MAP2K3: variants seen among roughly 807,000 people sequenced by gnomAD.
MAP2K3 encodes the protein mitogen-activated protein kinase kinase 3.
In MAP2K3, 30 loss-of-function variants were observed where a neutral mutation model predicts 46.4. The observed-to-expected ratio is 0.65, with a 90% CI of 0.48 to 0.88. The LOEUF is 0.88. MAP2K3 is among the 40% of genes least tolerant of loss of function. MAP2K3 has a pLI of 0.00. For missense variants in MAP2K3, 380 were observed against 464.5 expected (o/e 0.82, Z 1.67); for synonymous variants, 189 against 176.3 (o/e 1.07, Z -0.57).
At chr17:21,301,267 TC>T (rs1976584879) in intron 5 of MAP2K3, among the ~76,000 whole-genome samples, 435 of 152,146 alleles carry the variant, frequency 2.9e-3, no homozygotes, top group African/African-American at 0.01. Context: ...CTCAGTTCTG[TC>T]TGTGTGACCA....
chr17:21,288,221 G>A (rs1173223816), intron 1 of MAP2K3: 1 of 636,460 alleles, frequency 1.6e-6, no homozygotes, highest in African/African-American at 1.9e-5. Context: ...GTGGCACCTA[G>A]CCCTGAGCTG....
chr17:21,313,381 C>A, intron 10 of MAP2K3, 111 bp from the exon 11 acceptor site: 1 of 800,668 alleles, frequency 1.2e-6, no homozygotes, highest in Non-Finnish European at 2.1e-6. Flanking sequence ...TCCCTGGGTG[C>A]ACGTGTCCCC....
intron 1 of MAP2K3, chr17:21,291,687 C>A: frequency 2.3e-6 from 1 of 425,988 alleles, no homozygotes; most frequent in Admixed American, 2.5e-5. Context: ...ACCGATCTGA[C>A]CCCTTTTGTG....
At position 21,304,433 on chromosome 17, in the gene MAP2K3, G is replaced by A. The variant is rs1460476039; in HGVS notation, c.576G>A (p.Lys192=). 3 of 1,614,318 alleles carry A rather than the reference G, an allele frequency of 1.9e-6. No homozygotes were observed. The highest frequency in any genetic ancestry group is 1.1e-5 in the South Asian group (1 of 91,092). ...CATGTCCCTCCCTGGCAGATGTGAAGCCCTCCAATGTCCTTATCAACAAGG... is the reference window on the plus strand; with the variant it reads ...CATGTCCCTCCCTGGCAGATGTGAAACCCTCCAATGTCCTTATCAACAAGG... ...SKLSVIHRDV[K]PSNVLINKEG... is the part of the protein sequence containing the mutation. Residue 192 remains lysine, a synonymous_variant, in exon 8 of 12, where the codon AAG becomes AAA. Transcript: ENST00000342679.
At chr17:21,295,309 C>T (rs1403364539) in intron 1 of MAP2K3, among the ~76,000 whole-genome samples, 1 of 152,308 alleles carries the variant, frequency 6.6e-6, no homozygotes, top group Non-Finnish European at 1.5e-5. Context: ...GTGGTGTAGC[C>T]TCAGGTCAGT....
At chr17:21,297,918 G>A (rs1235450486) in intron 1 of MAP2K3, among the ~76,000 whole-genome samples, 2 of 152,300 alleles carry the variant, frequency 1.3e-5, no homozygotes, top group Admixed American at 1.3e-4. Flanking sequence ...TGGAGTCCCC[G>A]CCTGCTCCAC....
At position 21,302,197 on chromosome 17, in the gene MAP2K3, C is replaced by T. The variant is rs143272108; in HGVS notation, c.454C>T (p.Arg152Trp). The T allele has an allele frequency of 1.1e-4, 172 of 1,613,944 alleles. No homozygotes were observed. In the African/African-American group the frequency reaches 1.2e-3, roughly 11 times the overall value. The stretch of plus-strand genomic sequence containing the variant: ...GGACACATCCTTGGACAAGTTCTAC[C>T]GGAAGGTGCTGGATAAAAACATGAC... Reference protein sequence around the residue: ...LMDTSLDKFYRKVLDKNMTIP... With the variant: ...LMDTSLDKFYWKVLDKNMTIP... Residue 152 changes from arginine to tryptophan, a missense_variant, in exon 6 of 12, where the codon CGG becomes TGG. Arg to Trp is a moderately radical substitution (Grantham distance 101). This residue lies in a region of MAP2K3 where 294 missense variants were observed against 275.4 expected (regional missense o/e 1.07). Coordinates refer to ENST00000342679, the MANE Select transcript of MAP2K3 (RefSeq NM_145109.3).
intron 9 of MAP2K3, among the ~76,000 whole-genome samples, chr17:21,308,644 T>C (rs1158302038): frequency 4.6e-5 from 7 of 152,288 alleles, no homozygotes; most frequent in African/African-American, 9.6e-5. Context: ...ATATTCAGGC[T>C]GAAGGCAGGT....
At chr17:21,297,769 G>A (rs555840661) in intron 1 of MAP2K3, among the ~76,000 whole-genome samples, 13 of 1,332 alleles carry the variant, frequency 9.8e-3, no homozygotes, top group Admixed American at 0.065. Context: ...GGAAGGTACT[G>A]CCCCGGGACT....
intron 1 of MAP2K3, 54 bp from the exon 2 acceptor site, chr17:21,298,359 G>A: frequency 6.2e-7 from 1 of 1,611,496 alleles, no homozygotes; most frequent in Non-Finnish European, 8.5e-7. Flanking sequence ...TGGGAGTGCA[G>A]GGGACATTGA....
At chr17:21,301,183 C>T (rs564689332) in intron 5 of MAP2K3, among the ~76,000 whole-genome samples, 190 bp downstream of exon 5, 1 of 152,422 alleles carries the variant, frequency 6.6e-6, no homozygotes, top group Non-Finnish European at 1.5e-5. Flanking sequence ...CAAATGAGGC[C>T]GGTGGTTGTG....
At position 21,288,060 on chromosome 17, in the gene MAP2K3, G is replaced by A. The variant is rs1975773349; in HGVS notation, c.49+3091G>A. On this transcript the variant is annotated intron_variant, in intron 1 of 11. Coordinates refer to ENST00000342679, the MANE Select transcript of MAP2K3 (RefSeq NM_145109.3). Reference sequence around the variant, plus strand: ...CAAAGTTCTCAGTTGGCCCGTGTGAGGAGAAGGCCGGGGCAGCGGAGGCTT... The same window carrying A: ...CAAAGTTCTCAGTTGGCCCGTGTGAAGAGAAGGCCGGGGCAGCGGAGGCTT... 6.2e-6 allele frequency: 8 copies of A among 1,289,124 alleles called. No homozygotes were observed. The South Asian group carries it at 9.9e-5, about 16-fold the overall frequency. 79.9% of individuals were successfully genotyped at this position (1,289,124 alleles called of 1,614,324 possible).
rs767884956 is a variant in MAP2K3, at chr17:21,298,885, C to T, written c.124C>T (p.Arg42Trp). The T allele has an allele frequency of 2.6e-5, 42 of 1,614,190 alleles. No individual in the cohort carries two copies. Among genetic ancestry groups the T allele is most frequent in the South Asian group, 2.5e-4 (23 of 90,996 alleles). The stretch of plus-strand genomic sequence containing the variant: ...AGTCTTCTTTCTCCACAGACCCCCC[C>T]GGAACCTGGACTCCCGGACCTTCAT... Reference protein sequence around the residue: ...KPPAPNPTPPRNLDSRTFITI... With the variant: ...KPPAPNPTPPWNLDSRTFITI... The change falls in exon 3 of 12, where the codon CGG (arginine) becomes TGG (tryptophan). Residue 42 changes from arginine to tryptophan, a missense_variant. Transcript: ENST00000342679.
At chr17:21,302,364 C>T (rs1976656640) in intron 6 of MAP2K3, 105 bp downstream of exon 6, 4 of 1,326,902 alleles carry the variant, frequency 3.0e-6, no homozygotes, top group Middle Eastern at 2.0e-4. Context: ...TTGGGCAGAG[C>T]TGGGCATCAA....
chr17:21,299,117 A>G lies in MAP2K3; in HGVS notation c.165+191A>G, dbSNP rs150415277. On this transcript the variant is annotated intron_variant, in intron 3 of 11. Coordinates refer to ENST00000342679, the MANE Select transcript of MAP2K3 (RefSeq NM_145109.3). ...CCACTCTTTGACCCTCCTGGTGGGAATGAGGACCATCGGCTGCCTGACTGG... is the reference window on the plus strand; with the variant it reads ...CCACTCTTTGACCCTCCTGGTGGGAGTGAGGACCATCGGCTGCCTGACTGG... Among the ~76,000 whole-genome samples the G allele has an allele frequency of 3.3e-5, 5 of 152,424 alleles. No homozygotes were observed. The East Asian group carries it at 9.6e-4, about 29-fold the overall frequency.
At chr17:21,293,466 C>T (rs957450354) in intron 1 of MAP2K3, among the ~76,000 whole-genome samples, 17 of 152,308 alleles carry the variant, frequency 1.1e-4, no homozygotes, top group African/African-American at 4.1e-4. Flanking sequence ...CATGGTTGCC[C>T]CTGTGCAGCT....
chr17:21,290,808 G>A (rs1422447059), intron 1 of MAP2K3, among the ~76,000 whole-genome samples: 1 of 152,302 alleles, frequency 6.6e-6, no homozygotes, highest in Non-Finnish European at 1.5e-5. Flanking sequence ...AAGATTAGCT[G>A]GGCATGGTGG....
intron 1 of MAP2K3, among the ~76,000 whole-genome samples, chr17:21,292,957 T>G (rs1314437206): frequency 6.6e-6 from 1 of 152,312 alleles, no homozygotes; most frequent in Non-Finnish European, 1.5e-5. Context: ...ATCTGCAGCA[T>G]GGAGATCACA....
chr17:21,290,021 G>A (rs776864879), intron 1 of MAP2K3, among the ~76,000 whole-genome samples: 7 of 152,126 alleles, frequency 4.6e-5, no homozygotes, highest in Admixed American at 3.3e-4. Context: ...CGGCTATATC[G>A]AGTGCCCTGA....
Sources: allele counts gnomAD v4.1 joint callset (sites outside exome capture counted in the v4.1 genomes callset), GRCh38; gene constraint gnomAD v4.1.1; regional missense constraint gnomAD v4.1.1; transcripts MANE v1.5; gene names NCBI Gene and HGNC (gene_info 2026-07-23, HGNC 2026-07-21).